Variants in PTPRD observed in about 807,000 individuals in gnomAD.
The protein encoded by PTPRD is protein tyrosine phosphatase receptor type D.
In PTPRD, 34 loss-of-function variants were observed where a neutral mutation model predicts 214.5. That is an observed-to-expected ratio of 0.16 (90% CI 0.12 to 0.21). PTPRD has a LOEUF of 0.21. Among genes scored for constraint, PTPRD ranks in the 10% least tolerant of loss-of-function variants. The pLI, the probability that PTPRD is intolerant of heterozygous loss-of-function variation, is 1.00. For synonymous variants in PTPRD, 1,128 were observed against 845.7 expected (o/e 1.33, Z -5.79); for missense variants, 2,545 against 2,398.7 (o/e 1.06, Z -1.27).
At chr9:9,718,545 C>T (rs1048609175) in intron 7 of PTPRD, among the ~76,000 whole-genome samples, 14 of 152,232 alleles carry the variant, frequency 9.2e-5, no homozygotes, top group Admixed American at 9.2e-4. Flanking sequence ...CAGACCCAGG[C>T]ATCCCTGTGC....
chr9:9,498,012 C>T (rs2096264102), intron 8 of PTPRD, among the ~76,000 whole-genome samples: 1 of 152,020 alleles, frequency 6.6e-6, no homozygotes, highest in Non-Finnish European at 1.5e-5. Flanking sequence ...TTTTGCTTGC[C>T]TGAGATAACA....
chr9:8,512,186 A>C (rs1356592921), intron 21 of PTPRD, among the ~76,000 whole-genome samples: 13 of 152,080 alleles, frequency 8.5e-5, no homozygotes, highest in Non-Finnish European at 1.5e-5. Flanking sequence ...AATGATAATG[A>C]CAATAAAACC....
intron 2 of PTPRD, among the ~76,000 whole-genome samples, chr9:10,496,737 G>T (rs918619814): frequency 6.6e-6 from 1 of 151,900 alleles, no homozygotes; most frequent in Admixed American, 6.6e-5. Context: ...TATGCTTATT[G>T]GCTGCTTGTA....
rs34478548 is a variant in PTPRD at position 10,446,417 on chromosome 9, CTTTTTTTTTTTT to C, written c.-599-105412_-599-105401del. Among the ~76,000 whole-genome samples, 32 of 92,960 alleles carry C rather than the reference CTTTTTTTTTTTT, an allele frequency of 3.4e-4. No individual in the cohort carries two copies. The East Asian group carries it at 8.9e-3, about 26-fold the overall frequency. 61.0% of individuals were successfully genotyped at this position (92,960 alleles called of 152,430 possible). The stretch of plus-strand genomic sequence containing the variant: ...AACTTTTTATTAAAACTATTTTTTT[CTTTTTTTTTTTT>C]TTTTTTTTTTTGCTATGACAACCAT... On this transcript the variant is annotated intron_variant, in intron 2 of 45. Transcript: ENST00000381196.
At chr9:8,610,966 A>G (rs74531311) in intron 14 of PTPRD, among the ~76,000 whole-genome samples, 3,506 of 152,280 alleles carry the variant, frequency 0.023, 144 homozygotes, top group African/African-American at 0.079. Flanking sequence ...TTTCCACATC[A>G]ACAACCATTA....
intron 5 of PTPRD, among the ~76,000 whole-genome samples, chr9:9,793,021 T>C (rs1214326629): frequency 1.3e-5 from 2 of 152,090 alleles, no homozygotes; most frequent in East Asian, 3.9e-4. Context: ...GGCCCATTTA[T>C]TGTAGGCACA....
At chr9:8,334,142 C>G (rs1032628949) in intron 43 of PTPRD, among the ~76,000 whole-genome samples, 2 of 151,984 alleles carry the variant, frequency 1.3e-5, no homozygotes, top group Admixed American at 1.3e-4. Flanking sequence ...AGAATATTAG[C>G]AAGGACATTC....
chr9:10,510,349 C>T (rs1456573787), intron 2 of PTPRD, among the ~76,000 whole-genome samples: 1 of 152,046 alleles, frequency 6.6e-6, no homozygotes, highest in Non-Finnish European at 1.5e-5. Context: ...TAGTACACAG[C>T]TTTATGGGTT....
In PTPRD at chr9:10,196,098, T is replaced by C. The variant is rs147339516; in HGVS notation, c.-545+144865A>G. On this transcript the variant is annotated intron_variant, in intron 3 of 45. Transcript: ENST00000381196. The stretch of plus-strand genomic sequence containing the variant: ...TGTGGTAGTTCTTTCTATACACTTA[T>C]AGAAATATGAGACTATATACACTTA... Among the ~76,000 whole-genome samples, 198 of 152,308 alleles carry C rather than the reference T, an allele frequency of 1.3e-3. 6 individuals are homozygous for C. The South Asian group carries it at 0.038, about 29-fold the overall frequency.
intron 3 of PTPRD, among the ~76,000 whole-genome samples, chr9:10,141,321 G>T (rs891510186): frequency 6.6e-6 from 1 of 152,062 alleles, no homozygotes; most frequent in African/African-American, 2.4e-5. Flanking sequence ...GTCCCTTTTT[G>T]CAGACGACAT....
Position 8,990,435 on chromosome 9 carries a change from A to G in PTPRD, c.-104+28262T>C, listed in dbSNP as rs566641011. ...AACTTATCAACTGTGTAGGTAGCACATAGTAGGTTGTTGGGGCTCAGAAAA... is the reference window on the plus strand; with the variant it reads ...AACTTATCAACTGTGTAGGTAGCACGTAGTAGGTTGTTGGGGCTCAGAAAA... On this transcript the variant is annotated intron_variant, in intron 11 of 45. Coordinates refer to ENST00000381196, the MANE Select transcript of PTPRD (RefSeq NM_002839.4). Among the ~76,000 whole-genome samples, 4 of 152,272 alleles carry G rather than the reference A, an allele frequency of 2.6e-5. No homozygotes were observed. The South Asian group carries it at 6.2e-4, about 24-fold the overall frequency.
At position 8,760,390 on chromosome 9, in the gene PTPRD, G is replaced by A. The variant is rs554079201; in HGVS notation, c.-103-26444C>T. Reference sequence around the variant, plus strand: ...TTGGTTTCTTATTTCACTTACTTTTGCTGCTAATCTCTATTTTAAACAATT... The same window carrying A: ...TTGGTTTCTTATTTCACTTACTTTTACTGCTAATCTCTATTTTAAACAATT... On this transcript the variant is annotated intron_variant, in intron 11 of 45. Coordinates refer to ENST00000381196, the MANE Select transcript of PTPRD (RefSeq NM_002839.4). Among the ~76,000 whole-genome samples the A allele has an allele frequency of 5.9e-5, 9 of 152,038 alleles. No individual in the cohort carries two copies. In the South Asian group the frequency reaches 1.9e-3, roughly 32 times the overall value.
At chr9:10,610,413 A>G (rs556920778) in intron 2 of PTPRD, among the ~76,000 whole-genome samples, 15 of 152,312 alleles carry the variant, frequency 9.8e-5, no homozygotes, top group African/African-American at 3.6e-4. Flanking sequence ...ACTGTGTAAA[A>G]TATGTCCTAT....
intron 14 of PTPRD, among the ~76,000 whole-genome samples, chr9:8,598,402 A>G (rs2094589296): frequency 6.6e-6 from 1 of 152,108 alleles, no homozygotes; most frequent in African/African-American, 2.4e-5. Context: ...CAGAGGCTGC[A>G]GTGAGCCGAG....
chr9:8,908,422 G>A (rs1455103390), intron 11 of PTPRD, among the ~76,000 whole-genome samples: 1 of 151,714 alleles, frequency 6.6e-6, no homozygotes, highest in African/African-American at 2.4e-5. Context: ...AATTAAATAA[G>A]AAATCAACAA....
chr9:8,460,964 G>C (rs1010214909), intron 32 of PTPRD, among the ~76,000 whole-genome samples: 3 of 151,952 alleles, frequency 2.0e-5, no homozygotes, highest in African/African-American at 4.8e-5. Context: ...AAAATCAAGA[G>C]AAAAACTAGA....
rs1018225325 is a variant in PTPRD at position 9,018,729 on chromosome 9, C to T, written c.-136G>A. On this transcript the variant is annotated 5_prime_UTR_variant, in exon 11 of 46. Coordinates refer to ENST00000381196, the MANE Select transcript of PTPRD (RefSeq NM_002839.4). ...TTAGATCCCACGGGTGTTCACCAGA[C>T]GTCTCCCTAAACAAAGAAGAAATGT... The T allele has an allele frequency of 5.3e-5, 8 of 152,134 alleles. No homozygotes were observed. The highest frequency in any genetic ancestry group is 1.4e-4 in the African/African-American group (6 of 41,430). 9.4% of individuals were successfully genotyped at this position (152,134 alleles called of 1,614,324 possible). A position where few individuals can be genotyped will look rare whatever the true frequency, so the allele number is the denominator to read the frequency against.
chr9:9,015,949 G>C (rs1055978075), intron 11 of PTPRD, among the ~76,000 whole-genome samples: 5 of 152,102 alleles, frequency 3.3e-5, no homozygotes, highest in African/African-American at 1.2e-4. Flanking sequence ...AGTAGAGTTG[G>C]GTCTTCTCTC....
chr9:10,318,510 C>T (rs901537322), intron 3 of PTPRD, among the ~76,000 whole-genome samples: 8 of 151,992 alleles, frequency 5.3e-5, no homozygotes, highest in Non-Finnish European at 2.9e-5. Context: ...TCCCAGGACC[C>T]GTATTCTGTG....
Sources: allele counts gnomAD v4.1 joint callset (sites outside exome capture counted in the v4.1 genomes callset), GRCh38; gene constraint gnomAD v4.1.1; transcripts MANE v1.5; gene names NCBI Gene and HGNC (gene_info 2026-07-23, HGNC 2026-07-21).